Variants in RNF38 observed in about 807,000 individuals in gnomAD.
RNF38 encodes ring finger protein 38.
Under a neutral mutation model 67.2 loss-of-function variants are expected in RNF38, and 15 were observed. The ratio of observed to expected loss-of-function variants is 0.22; its 90% CI spans 0.15 to 0.34. The LOEUF (loss-of-function observed/expected upper bound fraction) is 0.34. RNF38 is among the 10% of genes least tolerant of loss of function. The pLI is 1.00. For missense variants in RNF38, 524 were observed against 639.9 expected (o/e 0.82, Z 1.95); for synonymous variants, 220 against 218.8 (o/e 1.01, Z -0.05).
chr9:36,422,912 A>T (rs1029903338), intron 2 of RNF38, among the ~76,000 whole-genome samples: 6 of 152,238 alleles, frequency 3.9e-5, no homozygotes. Context: ...CAAAAAGCTT[A>T]TCTTCAGAAT....
intron 1 of RNF38, among the ~76,000 whole-genome samples, chr9:36,434,871 G>C (rs949462301): frequency 3.9e-5 from 6 of 152,178 alleles, no homozygotes; most frequent in Non-Finnish European, 7.4e-5. Context: ...CAAGTGGAAA[G>C]AATAGTGCCT....
intron 2 of RNF38, among the ~76,000 whole-genome samples, chr9:36,407,793 T>C (rs568406096): frequency 2.6e-5 from 4 of 152,208 alleles, no homozygotes; most frequent in South Asian, 4.1e-4. Flanking sequence ...CCAAATCCAA[T>C]GGAGACCCAG....
At chr9:36,388,806 A>G (rs1836842001) in intron 2 of RNF38, among the ~76,000 whole-genome samples, 3 of 152,202 alleles carry the variant, frequency 2.0e-5, no homozygotes, top group African/African-American at 4.8e-5. Flanking sequence ...AAGAATTGGG[A>G]GAGAAGGTAC....
intron 1 of RNF38, among the ~76,000 whole-genome samples, chr9:36,485,183 CAAAT>C (rs544931564): frequency 1.2e-4 from 18 of 152,042 alleles, no homozygotes; most frequent in Non-Finnish European, 2.4e-4. Context: ...AACGAACAAA[CAAAT>C]AAATAATAAA....
At position 36,339,125 on chromosome 9, in the gene RNF38, G is replaced by A. The variant is rs1832662257; in HGVS notation, c.*627C>T. On this transcript the variant is annotated 3_prime_UTR_variant, in exon 12 of 12. Transcript: ENST00000259605. The stretch of plus-strand genomic sequence containing the variant: ...GTAATTGATGCACCCTCAGCAATCA[G>A]TGTGCAACAGCAAACACAAGGGAAA... The A allele has an allele frequency of 6.6e-6, 1 of 152,616 alleles. No homozygotes were observed. Among genetic ancestry groups the A allele is most frequent in the Non-Finnish European group, 1.5e-5 (1 of 68,056 alleles). 9.5% of individuals were successfully genotyped at this position (152,616 alleles called of 1,614,324 possible).
chr9:36,392,878 T>G (rs962972496), intron 1 of RNF38, among the ~76,000 whole-genome samples: 1 of 152,148 alleles, frequency 6.6e-6, no homozygotes, highest in African/African-American at 2.4e-5. Flanking sequence ...AACATAATAT[T>G]TAAAGGCCAT....
intron 3 of RNF38, among the ~76,000 whole-genome samples, chr9:36,373,574 A>G (rs1835549253): frequency 6.9e-6 from 1 of 145,132 alleles, no homozygotes; most frequent in Non-Finnish European, 1.5e-5. Context: ...TGGTGGGTGT[A>G]TGTATTTGTT....
chr9:36,459,704 T>C (rs1206225804), intron 1 of RNF38, among the ~76,000 whole-genome samples: 2 of 152,174 alleles, frequency 1.3e-5, no homozygotes, highest in Admixed American at 1.3e-4. Flanking sequence ...AAATCCTGCT[T>C]TCCTTCTACC....
At chr9:36,386,746 C>A (rs563278196) in intron 2 of RNF38, among the ~76,000 whole-genome samples, 47 of 152,294 alleles carry the variant, frequency 3.1e-4, no homozygotes, top group African/African-American at 9.9e-4. Context: ...GCTACACTCC[C>A]ACCAGCACCA....
intron 1 of RNF38, among the ~76,000 whole-genome samples, chr9:36,448,414 A>T (rs1028742232): frequency 6.6e-6 from 1 of 152,206 alleles, no homozygotes; most frequent in Non-Finnish European, 1.5e-5. Context: ...CAAGGGAAAC[A>T]ACAAACAACA....
chr9:36,414,758 A>T (rs1336192512), intron 2 of RNF38, among the ~76,000 whole-genome samples: 1 of 151,650 alleles, frequency 6.6e-6, no homozygotes, highest in Non-Finnish European at 1.5e-5. Flanking sequence ...GTGGTGTCGA[A>T]TTCTCTCAGC....
At chr9:36,371,962 G>A (rs981161322) in intron 3 of RNF38, among the ~76,000 whole-genome samples, 8 of 141,100 alleles carry the variant, frequency 5.7e-5, no homozygotes, top group Admixed American at 1.5e-4. Flanking sequence ...ACAGAGTCTC[G>A]CCCTGTCTGC....
At chr9:36,350,366 C>T (rs556512689) in intron 9 of RNF38, among the ~76,000 whole-genome samples, 98 of 152,312 alleles carry the variant, frequency 6.4e-4, no homozygotes, top group Middle Eastern at 3.4e-3. Context: ...AGTACTGATG[C>T]CATAAAGCAC....
At chr9:36,418,815 C>T (rs779635571) in intron 2 of RNF38, among the ~76,000 whole-genome samples, 4 of 149,898 alleles carry the variant, frequency 2.7e-5, no homozygotes, top group Non-Finnish European at 4.4e-5. Flanking sequence ...AACAAATTAG[C>T]TGGGCATGGT....
chr9:36,370,008 T>A lies in RNF38; in HGVS notation c.357-76A>T, dbSNP rs562844673. 96 of 1,198,970 alleles carry A rather than the reference T, an allele frequency of 8.0e-5. 2 individuals carry two copies. In the East Asian group the frequency reaches 2.4e-3, roughly 29 times the overall value. The allele number at this position is 1,198,970 out of a possible 1,614,324, so 74.3% of individuals were successfully genotyped here. The stretch of plus-strand genomic sequence containing the variant: ...GATTCTGTATTGTCTTTCTTTGATA[T>A]CTATCAATAGTATATGCTAAGGTAA... On this transcript the variant is annotated intron_variant, in intron 3 of 11. Transcript: ENST00000259605.
At chr9:36,343,345 A>G (rs892825511) in intron 10 of RNF38, among the ~76,000 whole-genome samples, 1 of 152,224 alleles carries the variant, frequency 6.6e-6, no homozygotes, top group Non-Finnish European at 1.5e-5. Flanking sequence ...CTGAGAGAAG[A>G]CATTTTTGAA....
chr9:36,353,466 C>T, intron 6 of RNF38, 135 bp from the exon 7 acceptor site: 1 of 517,848 alleles, frequency 1.9e-6, no homozygotes, highest in Non-Finnish European at 3.2e-6. Flanking sequence ...TTGATATTCA[C>T]ATGAATCTAA....
Position 36,478,426 on chromosome 9 carries a change from G to GA in RNF38, n.241+8881dup, listed in dbSNP as rs1214974311. On this transcript the variant is annotated intron_variant and non_coding_transcript_variant, in intron 1 of 3. Coordinates refer to the RNF38 transcript ENST00000488058. ...CTCAAAAAAAAAAAAAAAAAAAAGA[G>GA]AGCGTTTATTAAGCATACATCCCCA... Among the ~76,000 whole-genome samples the GA allele has an allele frequency of 2.2e-5, 3 of 135,900 alleles. No individual in the cohort carries two copies. In the East Asian group the frequency reaches 6.8e-4, roughly 31 times the overall value. The allele number at this position is 135,900 out of a possible 152,430, so 89.2% of individuals were successfully genotyped here.
chr9:36,469,140 G>GTT (rs1839934356), intron 1 of RNF38, among the ~76,000 whole-genome samples: 1 of 152,024 alleles, frequency 6.6e-6, no homozygotes, highest in Non-Finnish European at 1.5e-5. Context: ...ACAGAAACCT[G>GTT]AAGTCCCACC....
Sources: gnomAD v4.1 joint callset for allele counts (sites outside exome capture counted in the v4.1 genomes callset) on GRCh38, gnomAD v4.1.1 for gene constraint, MANE v1.5 for transcripts, NCBI Gene and HGNC (gene_info 2026-07-23, HGNC 2026-07-21) for gene names.